ZNF536: variants seen among roughly 807,000 people sequenced by gnomAD.
The protein encoded by ZNF536 is zinc finger protein 536.
In ZNF536, 13 loss-of-function variants were observed where a neutral mutation model predicts 84.5. The observed-to-expected ratio is 0.15, with a 90% CI of 0.10 to 0.24. ZNF536 has a LOEUF of 0.24. ZNF536 is among the 10% of genes least tolerant of loss of function. The pLI is 1.00. For missense variants in ZNF536, 1,536 were observed against 1,747.5 expected (o/e 0.88, Z 2.16); for synonymous variants, 811 against 742.5 (o/e 1.09, Z -1.50).
intron 1 of ZNF536, among the ~76,000 whole-genome samples, chr19:30,701,392 C>A (rs940934247): frequency 6.6e-6 from 1 of 151,728 alleles, no homozygotes; most frequent in Non-Finnish European, 1.5e-5. Context: ...CACACAGACA[C>A]ACCCAAACAC....
At chr19:30,654,206 G>T (rs2049818131) in intron 1 of ZNF536, among the ~76,000 whole-genome samples, 1 of 152,186 alleles carries the variant, frequency 6.6e-6, no homozygotes, top group Non-Finnish European at 1.5e-5. Flanking sequence ...GGCTGCGTGG[G>T]GCCCAGTGGG....
chr19:30,422,128 G>C (rs2050987639), intron 1 of ZNF536, among the ~76,000 whole-genome samples: 1 of 152,160 alleles, frequency 6.6e-6, no homozygotes, highest in Non-Finnish European at 1.5e-5. Context: ...GAAACTGGGA[G>C]CACAGATCTG....
At chr19:30,689,932 A>G (rs985090220) in intron 1 of ZNF536, among the ~76,000 whole-genome samples, 1 of 152,236 alleles carries the variant, frequency 6.6e-6, no homozygotes, top group Non-Finnish European at 1.5e-5. Flanking sequence ...TTCATTTGGC[A>G]TCATGGATTT....
chr19:30,478,501 T>C (rs533608277), intron 2 of ZNF536, among the ~76,000 whole-genome samples: 1 of 152,262 alleles, frequency 6.6e-6, no homozygotes, highest in African/African-American at 2.4e-5. Flanking sequence ...CAGTCAGGCA[T>C]GGTCTGAGTC....
chr19:30,470,245 T>C (rs572734775), intron 2 of ZNF536, among the ~76,000 whole-genome samples: 4 of 152,338 alleles, frequency 2.6e-5, no homozygotes, highest in African/African-American at 9.6e-5. Context: ...TTCTAATTTT[T>C]GAATAGTGTT....
rs2146256663 is a variant in ZNF536 at position 30,549,429 on chromosome 19, C to G, written c.3810C>G (p.Ala1270=). 6.4e-7 allele frequency: 1 copy of G among 1,570,452 alleles called. No homozygotes were observed. The highest frequency in any genetic ancestry group is 8.6e-7 in the Non-Finnish European group (1 of 1,159,744). ...KPMNMLSVLR[A]YSSDGLAAFN... is the part of the protein sequence containing the mutation. Reference sequence around the variant, plus strand: ...TGAACATGCTGTCGGTCCTCAGGGCCTACAGTTCTGATGGCTTAGCAGCCT... The same window carrying G: ...TGAACATGCTGTCGGTCCTCAGGGCGTACAGTTCTGATGGCTTAGCAGCCT... Residue 1270 remains alanine (A), a synonymous_variant, in exon 4 of 5, where the codon GCC becomes GCG. Coordinates refer to ENST00000355537, the MANE Select transcript of ZNF536 (RefSeq NM_014717.3).
chr19:30,651,262 C>G (rs767948302), intron 1 of ZNF536, among the ~76,000 whole-genome samples: 4 of 152,190 alleles, frequency 2.6e-5, no homozygotes, highest in Non-Finnish European at 4.4e-5. Flanking sequence ...TTCCTAGAAC[C>G]AGGTAGCAAA....
intron 1 of ZNF536, among the ~76,000 whole-genome samples, chr19:30,582,634 T>A (rs1357541258): frequency 1.3e-5 from 2 of 152,086 alleles, no homozygotes; most frequent in Non-Finnish European, 2.9e-5. Context: ...GACTAGGTTA[T>A]TTATAAAGAA....
In ZNF536 at chr19:30,477,548, G is replaced by T. The variant is rs79221859; in HGVS notation, c.2170+31816G>T. Among the ~76,000 whole-genome samples the T allele has an allele frequency of 1.1e-3, 174 of 152,278 alleles. No individual in the cohort carries two copies. The Middle Eastern group carries it at 0.02, about 18-fold the overall frequency. ...TAAGCAGAAATTTCTGCTTTGTGGC[G>T]TGAAGAAAGCAGAGTATTCCAGCAG... On this transcript the variant is annotated intron_variant, in intron 2 of 4. Coordinates refer to ENST00000355537, the MANE Select transcript of ZNF536 (RefSeq NM_014717.3).
chr19:30,602,999 A>T (rs2047743446), intron 1 of ZNF536, among the ~76,000 whole-genome samples: 1 of 152,248 alleles, frequency 6.6e-6, no homozygotes, highest in African/African-American at 2.4e-5. Context: ...AGAAGGTATT[A>T]GTTGCCCATC....
At chr19:30,418,002 G>A (rs10405191) in intron 1 of ZNF536, among the ~76,000 whole-genome samples, 2,084 of 152,112 alleles carry the variant, frequency 0.014, 46 homozygotes, top group African/African-American at 0.048. Flanking sequence ...TCCCCGCTTG[G>A]CCTTCCTTAG....
chr19:30,480,244 G>A (rs1426260501), intron 2 of ZNF536, among the ~76,000 whole-genome samples: 1 of 152,112 alleles, frequency 6.6e-6, no homozygotes, highest in African/African-American at 2.4e-5. Context: ...TCAGGCTCCC[G>A]TGGGTCAACA....
intron 1 of ZNF536, among the ~76,000 whole-genome samples, chr19:30,696,615 G>T (rs972077012): frequency 6.6e-6 from 1 of 152,234 alleles, no homozygotes; most frequent in African/African-American, 2.4e-5. Context: ...CATCAGAGGA[G>T]CCTGGGTAAG....
chr19:30,701,345 A>C (rs1268452367), intron 1 of ZNF536, among the ~76,000 whole-genome samples: 3 of 151,888 alleles, frequency 2.0e-5, no homozygotes, highest in Non-Finnish European at 4.4e-5. Context: ...ACCAACACAC[A>C]CACAGACACA....
intron 1 of ZNF536, among the ~76,000 whole-genome samples, chr19:30,234,769 A>ACGCGCG (rs1295065393): frequency 2.1e-5 from 3 of 145,208 alleles, no homozygotes; most frequent in African/African-American, 7.9e-5. Flanking sequence ...ACACACACAC[A>ACGCGCG]CACACGCGCA....
chr19:30,254,719 G>T (rs1199512694), intron 1 of ZNF536, among the ~76,000 whole-genome samples: 1 of 152,092 alleles, frequency 6.6e-6, no homozygotes, highest in African/African-American at 2.4e-5. Context: ...GTAGCAAAGT[G>T]CTTTTGTTTG....
intron 1 of ZNF536, among the ~76,000 whole-genome samples, chr19:30,593,635 C>T (rs185064152): frequency 0.018 from 2,697 of 152,288 alleles, 20 homozygotes; most frequent in Non-Finnish European, 0.025. Flanking sequence ...GGCAAGAGTC[C>T]GCGGGCAACA....
chr19:30,661,054 G>A lies in ZNF536; in HGVS notation c.170-49703G>A, dbSNP rs12327593. ...ATCTCAGAGGCCACCCGATGATTCC[G>A]TGATCGGAATTTTGGAAGTCTTCTA... On this transcript the variant is annotated intron_variant, in intron 1 of 1. Coordinates refer to the ZNF536 transcript ENST00000592773. Among the ~76,000 whole-genome samples, 499 of 152,286 alleles carry A rather than the reference G, an allele frequency of 3.3e-3. 3 individuals are homozygous for A. The highest frequency in any genetic ancestry group is 3.6e-3 in the African/African-American group (150 of 41,544).
chr19:30,332,349 G>A lies in ZNF536; in HGVS notation c.-119-20019G>A, dbSNP rs969526451. ...CACCTCTGGGGCCCCAGTGGCCCCAGCCTTTGTCTCCTTCTTGGAGAGGTG... is the reference window on the plus strand; with the variant it reads ...CACCTCTGGGGCCCCAGTGGCCCCAACCTTTGTCTCCTTCTTGGAGAGGTG... On this transcript the variant is annotated intron_variant, in intron 2 of 5. Transcript: ENST00000585628. Among the ~76,000 whole-genome samples, 5 of 152,092 alleles carry A rather than the reference G, an allele frequency of 3.3e-5. No individual in the cohort carries two copies. In the East Asian group the frequency reaches 9.7e-4, roughly 29 times the overall value.
Sources: allele counts gnomAD v4.1 joint callset (sites outside exome capture counted in the v4.1 genomes callset), GRCh38; gene constraint gnomAD v4.1.1; transcripts MANE v1.5; gene names NCBI Gene and HGNC (gene_info 2026-07-23, HGNC 2026-07-21).